The following IL2RG variants were observed in gnomAD, a reference collection of about 807,000 sequenced individuals.
The protein encoded by IL2RG is cytokine receptor common subunit gamma.
For synonymous variants in IL2RG, 111 were observed against 108.5 expected (o/e 1.02, Z -0.15); for missense variants, 205 against 272.9 (o/e 0.75, Z 1.75).
rs773483114 is a variant in IL2RG at position 71,111,489 on chromosome X, G to A, written c.51C>T (p.Pro17=). ...TCGTGTTCAGCCCCACTCCCAGCAG[G>A]GGCAGCTGCAGGAATAAGAGGGATG... is the stretch of plus-strand genomic sequence containing the variant. ...PFTSLLFLQL[P]LLGVGLNTTI... The change falls in exon 1 of 8, where the codon CCC becomes CCT. Residue 17 remains proline, a synonymous_variant. Coordinates refer to ENST00000374202, the MANE Select transcript of IL2RG (RefSeq NM_000206.3). The A allele has an allele frequency of 3.7e-5, 45 of 1,208,126 alleles. No individual in the cohort carries two copies. Among genetic ancestry groups the A allele is most frequent in the Non-Finnish European group, 4.8e-5 (43 of 893,947 alleles).
intron 7 of IL2RG, 108 bp downstream of exon 7, chrX:71,108,169 A>AG (rs2092255073): frequency 1.6e-6 from 1 of 617,339 alleles, no homozygotes; most frequent in African/African-American, 2.2e-5. Context: ...CAGTTAGTGC[A>AG]GGGCCTCCTT....
rs369142790 is a variant in IL2RG, at chrX:71,109,929, CA to C, written c.594+226del. Among the ~76,000 whole-genome samples, 1,910 of 47,710 alleles carry C rather than the reference CA, an allele frequency of 0.04. 42 individuals are homozygous for C. The highest frequency in any genetic ancestry group is 0.11 in the African/African-American group (1,735 of 15,947). The allele number at this position is 47,710 out of a possible 115,157, so 41.4% of individuals were successfully genotyped here. ...TGGGCAACAGAGTGAGGCTCTGTCT[CA>C]AAAAAAAAAAAAAAAGAAAGAAAGA... is the stretch of plus-strand genomic sequence containing the variant. On this transcript the variant is annotated intron_variant, in intron 4 of 7. Coordinates refer to ENST00000374202, the MANE Select transcript of IL2RG (RefSeq NM_000206.3).
In IL2RG at chrX:71,111,563, G is replaced by T; in HGVS notation, c.-24C>A. 1 of 1,209,226 alleles carries T rather than the reference G, an allele frequency of 8.3e-7. No individual in the cohort carries two copies. The highest frequency in any genetic ancestry group is 1.1e-6 in the Non-Finnish European group (1 of 893,897). The stretch of plus-strand genomic sequence containing the variant: ...ATGGCGCTTGCTCTTCATTCCCTGG[G>T]TGTAGTCTGTCTGTGTCAGGAACCT... On this transcript the variant is annotated 5_prime_UTR_variant, in exon 1 of 8. Transcript: ENST00000374202.
intron 2 of IL2RG, 73 bp downstream of exon 2, chrX:71,110,824 T>G: frequency 8.7e-7 from 1 of 1,148,957 alleles, no homozygotes. Context: ...CCTGGGAGAC[T>G]TGCTACCCTC....
Position 71,107,610 on chromosome X carries a change from G to A in IL2RG, c.*126C>T, listed in dbSNP as rs770835503. The A allele has an allele frequency of 1.7e-5, 7 of 411,246 alleles. No homozygotes were observed. Among genetic ancestry groups the A allele is most frequent in the Admixed American group, 1.6e-4 (3 of 18,758 alleles). The allele number at this position is 411,246 out of a possible 1,213,427, so 33.9% of individuals were successfully genotyped here. A position where few individuals can be genotyped will look rare whatever the true frequency, so the allele number is the denominator to read the frequency against. On this transcript the variant is annotated 3_prime_UTR_variant, in exon 8 of 8. Transcript: ENST00000374202. ...CAAATGAAGGGGTGCTTACATGGGGGCACAAAATTCCAAATCAGCCACAGT... is the reference window on the plus strand; with the variant it reads ...CAAATGAAGGGGTGCTTACATGGGGACACAAAATTCCAAATCAGCCACAGT...
rs754951792 is a variant in IL2RG at position 71,111,465 on chromosome X, C to T, written c.75G>A (p.Thr25=). The change falls in exon 1 of 8, where the codon ACG becomes ACA. Residue 25 remains threonine, a synonymous_variant. Coordinates refer to ENST00000374202, the MANE Select transcript of IL2RG (RefSeq NM_000206.3). ...QLPLLGVGLN[T]TILTPNGNED... ...CATTCCCATTGGGCGTCAGAATTGTCGTGTTCAGCCCCACTCCCAGCAGGG... is the reference window on the plus strand; with the variant it reads ...CATTCCCATTGGGCGTCAGAATTGTTGTGTTCAGCCCCACTCCCAGCAGGG... The T allele has an allele frequency of 4.1e-5, 50 of 1,208,580 alleles. No homozygotes were observed. In the Middle Eastern group the frequency reaches 1.8e-3, roughly 45 times the overall value.
Position 71,111,525 on chromosome X carries a change from T to C in IL2RG, c.15A>G (p.Ser5=). The C allele has an allele frequency of 8.3e-7, 1 of 1,211,682 alleles. No homozygotes were observed. Among genetic ancestry groups the C allele is most frequent in the Non-Finnish European group, 1.1e-6 (1 of 895,403 alleles). Residue 5 remains serine (S), a synonymous_variant, in exon 1 of 8, where the codon TCA becomes TCG. Transcript: ENST00000374202. MLKP[S]LPFTSLLFLQ... is the part of the protein sequence containing the mutation. ...GGAATAAGAGGGATGTGAATGGTAATGATGGCTTCAACATGGCGCTTGCTC... is the reference window on the plus strand; with the variant it reads ...GGAATAAGAGGGATGTGAATGGTAACGATGGCTTCAACATGGCGCTTGCTC...
At chrX:71,110,322 A>C in intron 3 of IL2RG, 27 bp from the exon 4 acceptor site, 1 of 1,207,124 alleles carries the variant, frequency 8.3e-7, no homozygotes, top group Non-Finnish European at 1.1e-6. Context: ...ATATGTGGTC[A>C]TTCCCCTGGC....
Position 71,107,880 on chromosome X carries a change from C to T in IL2RG, c.966G>A (p.Gln322=). Residue 322 remains glutamine (Q), a synonymous_variant, in exon 8 of 8, where the codon CAG becomes CAA. Transcript: ENST00000374202. ...GGCAGAGTCGTTCACTGTAGTCTGG[C>T]TGCAGACTCTCAGCCAGTCCCTTAG... is the stretch of plus-strand genomic sequence containing the variant. ...GVSKGLAESL[Q]PDYSERLCLV... 8.3e-7 allele frequency: 1 copy of T among 1,209,266 alleles called. No individual in the cohort carries two copies. Among genetic ancestry groups the T allele is most frequent in the South Asian group, 1.8e-5 (1 of 56,652 alleles).
intron 4 of IL2RG, among the ~76,000 whole-genome samples, 160 bp downstream of exon 4, chrX:71,109,995 TA>T (rs1339041117): frequency 4.6e-5 from 4 of 86,790 alleles, no homozygotes; most frequent in Non-Finnish European, 9.4e-5. Flanking sequence ...CTGGAGAAAA[TA>T]GGGGGGAAAG....
chrX:71,109,939 A>AG (rs2092259680), intron 4 of IL2RG, among the ~76,000 whole-genome samples: 3 of 108,355 alleles, frequency 2.8e-5, no homozygotes, highest in African/African-American at 6.7e-5. Flanking sequence ...CAAAAAAAAA[A>AG]AAAAAAGAAA....
rs1218856877 is a variant in IL2RG, at chrX:71,109,278, T to G, written c.707A>C (p.His236Pro). The G allele has an allele frequency of 8.3e-7, 1 of 1,209,797 alleles. No homozygotes were observed. Residue 236 changes from histidine to proline, a missense_variant, in exon 5 of 8, where the codon CAT becomes CCT. Transcript: ENST00000374202. ...GATTGGGTGGCTCCATTCACTCCAA[T>G]GCTGAGCACTTCCACAGAGTGGGTT... ...RFNPLCGSAQHWSEWSHPIHW... is the reference protein window; with the variant it reads ...RFNPLCGSAQPWSEWSHPIHW...
At position 71,111,462 on chromosome X, in the gene IL2RG, T is replaced by A. The variant is rs147424359; in HGVS notation, c.78A>T (p.Thr26=). Residue 26 remains threonine (T), a synonymous_variant, in exon 1 of 8, where the codon ACA becomes ACT. Transcript: ENST00000374202. ...CTTCATTCCCATTGGGCGTCAGAAT[T>A]GTCGTGTTCAGCCCCACTCCCAGCA... is the stretch of plus-strand genomic sequence containing the variant. The part of the protein sequence containing the change: ...LPLLGVGLNT[T]ILTPNGNEDT... The A allele has an allele frequency of 5.3e-4, 641 of 1,208,678 alleles. 1 individual carries two copies. The highest frequency in any genetic ancestry group is 7.0e-4 in the Non-Finnish European group (623 of 894,454).
chrX:71,111,115 A>T, intron 1 of IL2RG, 65 bp from the exon 2 acceptor site: 1 of 1,040,196 alleles, frequency 9.6e-7, no homozygotes, highest in South Asian at 2.0e-5. Flanking sequence ...GAGGAGGCCA[A>T]GCACGGTGGC....
Position 71,107,457 on chromosome X carries a change from G to C in IL2RG, c.*279C>G, listed in dbSNP as rs766215217. 3 of 274,674 alleles carry C rather than the reference G, an allele frequency of 1.1e-5. No homozygotes were observed. In the East Asian group the frequency reaches 1.6e-4, roughly 15 times the overall value. 22.6% of individuals were successfully genotyped at this position (274,674 alleles called of 1,213,427 possible). Reference sequence around the variant, plus strand: ...TTTCTCATCGGTTCAGGAACAATCGGAGGGTAGATGGAAAGAGGAAGGGAG... The same window carrying C: ...TTTCTCATCGGTTCAGGAACAATCGCAGGGTAGATGGAAAGAGGAAGGGAG... On this transcript the variant is annotated 3_prime_UTR_variant, in exon 8 of 8. Coordinates refer to ENST00000374202, the MANE Select transcript of IL2RG (RefSeq NM_000206.3).
chrX:71,107,676 GA>G lies in IL2RG; in HGVS notation c.*59del, dbSNP rs2092253335. 1 of 949,853 alleles carries G rather than the reference GA, an allele frequency of 1.1e-6. No homozygotes were observed. The allele number at this position is 949,853 out of a possible 1,213,427, so 78.3% of individuals were successfully genotyped here. ...TGAGACGCAGGTGGGTTGAATGAAG[GA>G]AAGTTAGTACCACTTAGGGCTACAG... On this transcript the variant is annotated 3_prime_UTR_variant, in exon 8 of 8. Coordinates refer to ENST00000374202, the MANE Select transcript of IL2RG (RefSeq NM_000206.3).
In IL2RG at chrX:71,110,485, C is replaced by T. The variant is rs1427562119; in HGVS notation, c.454+19G>A. ...TCCCACAGTATCCCTGGTCTCTTGA[C>T]CCTTTCTTTCCAAATTACCCAGATT... On this transcript the variant is annotated intron_variant, in intron 3 of 7. Coordinates refer to ENST00000374202, the MANE Select transcript of IL2RG (RefSeq NM_000206.3). 2.6e-5 allele frequency: 31 copies of T among 1,201,072 alleles called. No homozygotes were observed. The highest frequency in any genetic ancestry group is 3.2e-5 in the Non-Finnish European group (28 of 887,202).
chrX:71,109,098 G>C, intron 5 of IL2RG, 130 bp downstream of exon 5: 5 of 646,264 alleles, frequency 7.7e-6, no homozygotes, highest in Non-Finnish European at 1.2e-5. Context: ...AGAGGTTGGG[G>C]TTAGACAGTG....
chrX:71,109,436 G>C, intron 4 of IL2RG, 46 bp from the exon 5 acceptor site: 4 of 1,133,740 alleles, frequency 3.5e-6, no homozygotes, highest in Non-Finnish European at 4.8e-6. Flanking sequence ...TATGAGAGAA[G>C]GGAGAATTAA....
Sources: gnomAD v4.1 joint callset for allele counts (sites outside exome capture counted in the v4.1 genomes callset) on GRCh38, gnomAD v4.1.1 for gene constraint, MANE v1.5 for transcripts, NCBI Gene and HGNC (gene_info 2026-07-23, HGNC 2026-07-21) for gene names.